RGS17: variants seen among roughly 807,000 people sequenced by gnomAD.
The protein encoded by RGS17 is regulator of G-protein signaling 17.
Under a neutral mutation model 25.5 loss-of-function variants are expected in RGS17, and 12 were observed. The observed-to-expected ratio is 0.47, with a 90% CI of 0.30 to 0.76. RGS17 has a LOEUF of 0.76. RGS17 is among the 30% of genes least tolerant of loss of function. The probability of loss-of-function intolerance (pLI) is 0.07; values close to 1 mark genes in which losing one functional copy is unlikely to be tolerated. For synonymous variants in RGS17, 71 were observed against 76.9 expected, an observed-to-expected ratio of 0.92 and a Z score of 0.40; for missense variants, 196 against 242.2, an observed-to-expected ratio of 0.81 and a Z score of 1.27.
intron 1 of RGS17, among the ~76,000 whole-genome samples, chr6:153,054,704 T>A (rs7773325): frequency 0.39 from 58,198 of 150,690 alleles, 11,962 homozygotes; most frequent in East Asian, 0.62. Context: ...AAGATTTGCA[T>A]GACTTTCACT....
intron 1 of RGS17, among the ~76,000 whole-genome samples, chr6:153,091,393 T>G (rs1562331543): frequency 6.6e-6 from 1 of 152,178 alleles, no homozygotes. Flanking sequence ...TAAGAAAATG[T>G]CTTCATTAAT....
rs1288515906 is a variant in RGS17, at chr6:153,009,396, A to C, written c.*2178T>G. On this transcript the variant is annotated 3_prime_UTR_variant, in exon 5 of 5. Transcript: ENST00000206262. The stretch of plus-strand genomic sequence containing the variant: ...CATGTGTATATATCATAGTAGCATA[A>C]TAAACTCAATTCTAAGCAAGAAAAA... 6.6e-6 allele frequency: 1 copy of C among 152,088 alleles called. No individual in the cohort carries two copies. Among genetic ancestry groups the C allele is most frequent in the Non-Finnish European group, 1.5e-5 (1 of 67,922 alleles). 9.4% of individuals were successfully genotyped at this position (152,088 alleles called of 1,614,324 possible). A position where few individuals can be genotyped will look rare whatever the true frequency, so the allele number is the denominator to read the frequency against.
intron 1 of RGS17, among the ~76,000 whole-genome samples, chr6:153,076,887 T>G (rs973540706): frequency 6.6e-6 from 1 of 152,190 alleles, no homozygotes; most frequent in Non-Finnish European, 1.5e-5. Flanking sequence ...TACTCAATGA[T>G]TACCAATGGA....
intron 1 of RGS17, among the ~76,000 whole-genome samples, chr6:153,058,594 C>A (rs1776595743): frequency 6.6e-6 from 1 of 152,176 alleles, no homozygotes; most frequent in Non-Finnish European, 1.5e-5. Context: ...CAGTGTGGGG[C>A]CCCACAAAGT....
chr6:153,118,065 C>G (rs767878315), intron 1 of RGS17, among the ~76,000 whole-genome samples: 13 of 152,178 alleles, frequency 8.5e-5, no homozygotes, highest in Non-Finnish European at 1.8e-4. Flanking sequence ...TGGGGGACAG[C>G]TTGTTAGGCA....
chr6:153,071,056 C>T (rs1053950434), intron 1 of RGS17, among the ~76,000 whole-genome samples: 22 of 148,808 alleles, frequency 1.5e-4, no homozygotes, highest in East Asian at 8.0e-4. Context: ...CATGTGTATA[C>T]GCATATGTAC....
At chr6:153,107,476 A>G (rs7742238) in intron 1 of RGS17, among the ~76,000 whole-genome samples, 73,092 of 151,918 alleles carry the variant, frequency 0.48, 18,338 homozygotes, top group East Asian at 0.85. Context: ...TTTCATCTTG[A>G]AGCCTTTAGC....
intron 3 of RGS17, among the ~76,000 whole-genome samples, chr6:153,025,757 A>C (rs1779294651): frequency 6.7e-6 from 1 of 149,122 alleles, no homozygotes; most frequent in South Asian, 2.1e-4. Context: ...ATACACATAA[A>C]AAGGTAAATA....
At chr6:153,097,254 T>C (rs917070643) in intron 1 of RGS17, among the ~76,000 whole-genome samples, 2 of 151,312 alleles carry the variant, frequency 1.3e-5, no homozygotes, top group African/African-American at 2.4e-5. Context: ...ACAACCATTA[T>C]GTGCTTGGTA....
At chr6:153,083,263 TTG>T (rs1180993730) in intron 1 of RGS17, among the ~76,000 whole-genome samples, 1 of 152,190 alleles carries the variant, frequency 6.6e-6, no homozygotes, top group Non-Finnish European at 1.5e-5. Context: ...GAGAAAACAT[TTG>T]TGTCTTGTTT....
intron 1 of RGS17, among the ~76,000 whole-genome samples, chr6:153,076,935 T>C (rs1776888513): frequency 6.6e-6 from 1 of 152,140 alleles, no homozygotes; most frequent in Admixed American, 6.6e-5. Context: ...GAACAAAACC[T>C]TTGTATGGGG....
chr6:153,019,537 C>G (rs928124736), intron 4 of RGS17, among the ~76,000 whole-genome samples: 4 of 152,056 alleles, frequency 2.6e-5, no homozygotes, highest in Admixed American at 2.0e-4. Flanking sequence ...TTCATGGGGG[C>G]AGATTTCTCA....
intron 1 of RGS17, among the ~76,000 whole-genome samples, chr6:153,116,073 G>C (rs556724433): frequency 1.3e-5 from 2 of 152,308 alleles, no homozygotes; most frequent in South Asian, 2.1e-4. Flanking sequence ...ATTGACAAAT[G>C]GGATCTAATT....
intron 4 of RGS17, among the ~76,000 whole-genome samples, chr6:153,018,687 A>G (rs1455915902): frequency 1.3e-5 from 2 of 152,218 alleles, no homozygotes; most frequent in Non-Finnish European, 2.9e-5. Flanking sequence ...ACTTATTTCA[A>G]CAAGATTTGT....
At chr6:153,082,755 A>G (rs1360492349) in intron 1 of RGS17, among the ~76,000 whole-genome samples, 3 of 152,088 alleles carry the variant, frequency 2.0e-5, no homozygotes, top group Non-Finnish European at 4.4e-5. Flanking sequence ...TACTATGTTA[A>G]TTTTACATCA....
chr6:153,071,026 T>G (rs915662923), intron 1 of RGS17, among the ~76,000 whole-genome samples: 2 of 148,188 alleles, frequency 1.3e-5, no homozygotes, highest in Non-Finnish European at 3.0e-5. Context: ...TATGTGTATA[T>G]GTATATATAC....
At chr6:153,090,120 C>G (rs685826) in intron 1 of RGS17, among the ~76,000 whole-genome samples, 40 of 151,848 alleles carry the variant, frequency 2.6e-4, no homozygotes, top group African/African-American at 9.2e-4. Context: ...TTAAGGAAAC[C>G]GATCAGTTTA....
chr6:153,092,217 G>T (rs1445886021), intron 1 of RGS17, among the ~76,000 whole-genome samples: 3 of 152,138 alleles, frequency 2.0e-5, no homozygotes, highest in African/African-American at 7.2e-5. Flanking sequence ...ATTTTACGGG[G>T]CATAGAACCG....
chr6:153,109,061 C>T (rs1777428751), intron 1 of RGS17, among the ~76,000 whole-genome samples: 1 of 151,666 alleles, frequency 6.6e-6, no homozygotes, highest in Non-Finnish European at 1.5e-5. Flanking sequence ...CAGACTATTT[C>T]TATAAAAGCC....
Sources: allele counts gnomAD v4.1 joint callset (sites outside exome capture counted in the v4.1 genomes callset), GRCh38; gene constraint gnomAD v4.1.1; transcripts MANE v1.5; gene names NCBI Gene and HGNC (gene_info 2026-07-23, HGNC 2026-07-21).